The following TENM1 variants were observed in gnomAD, a reference collection of about 807,000 sequenced individuals.
The protein encoded by TENM1 is teneurin-1.
A neutral mutation model predicts 174.8 loss-of-function variants in TENM1; 35 were observed. The observed-to-expected ratio is 0.20, with a 90% CI of 0.15 to 0.27. The LOEUF (loss-of-function observed/expected upper bound fraction) is 0.27, where lower values mean the gene tolerates loss of function less well. Ranked by LOEUF, TENM1 falls within the 10% of genes least tolerant of loss-of-function variation. TENM1 has a pLI of 1.00. For missense variants in TENM1, 1,633 were observed against 2,130.1 expected (o/e 0.77, Z 4.59); for synonymous variants, 781 against 798.7 (o/e 0.98, Z 0.37).
At chrX:124,851,335 T>A (rs1211692551) in intron 3 of TENM1, among the ~76,000 whole-genome samples, 1 of 111,825 alleles carries the variant, frequency 8.9e-6, no homozygotes, top group Non-Finnish European at 1.9e-5. Flanking sequence ...TTGAATGATA[T>A]AGGATAATAC....
the TENM1 span, among the ~76,000 whole-genome samples, chrX:124,970,980 T>G: frequency 9.1e-6 from 1 of 109,307 alleles, no homozygotes; most frequent in African/African-American, 3.3e-5. Context: ...GTTCATGTCC[T>G]TTGTAGGGAC....
At chrX:124,700,678 A>G (rs1354133360) in intron 5 of TENM1, among the ~76,000 whole-genome samples, 1 of 111,193 alleles carries the variant, frequency 9.0e-6, no homozygotes, top group African/African-American at 3.3e-5. Context: ...TTTAATGGGG[A>G]AAAAACTCCA....
chrX:124,974,903 A>T, the TENM1 span, among the ~76,000 whole-genome samples: 89 of 66,074 alleles, frequency 1.3e-3, 3 homozygotes, highest in African/African-American at 4.5e-3. Context: ...TATATATATA[A>T]AATAATTTTG....
intron 3 of TENM1, among the ~76,000 whole-genome samples, chrX:124,873,175 A>G (rs908142095): frequency 9.0e-6 from 1 of 110,788 alleles, no homozygotes; most frequent in African/African-American, 3.3e-5. Flanking sequence ...AATTATGTTA[A>G]ATTAAAAAAT....
chrX:124,461,087 A>G (rs2061167738), intron 22 of TENM1, among the ~76,000 whole-genome samples: 1 of 112,334 alleles, frequency 8.9e-6, no homozygotes, highest in East Asian at 2.8e-4. Context: ...CACAGAGCTG[A>G]TGAGTTTCAA....
chrX:124,622,255 A>G (rs769470658), intron 11 of TENM1, among the ~76,000 whole-genome samples: 1 of 112,036 alleles, frequency 8.9e-6, no homozygotes, highest in East Asian at 2.8e-4. Flanking sequence ...TAGGTCGAAT[A>G]TCAGCAATTT....
At chrX:125,058,824 A>G in the TENM1 span, among the ~76,000 whole-genome samples, 1 of 110,940 alleles carries the variant, frequency 9.0e-6, no homozygotes, top group Non-Finnish European at 1.9e-5. Flanking sequence ...AAACTCTTCA[A>G]TTGCTTTGAA....
chrX:125,046,029 T>C, the TENM1 span, among the ~76,000 whole-genome samples: 6 of 108,777 alleles, frequency 5.5e-5, no homozygotes, highest in Non-Finnish European at 9.5e-5. Flanking sequence ...AAAAGCAAAA[T>C]ATTGAAAGAG....
chrX:125,187,546 C>G, the TENM1 span, among the ~76,000 whole-genome samples: 8 of 111,647 alleles, frequency 7.2e-5, no homozygotes, highest in African/African-American at 2.6e-4. Flanking sequence ...TGATGGATTA[C>G]TAAGCAGCCA....
At chrX:124,720,590 C>T (rs374642501) in intron 4 of TENM1, among the ~76,000 whole-genome samples, 1 of 112,166 alleles carries the variant, frequency 8.9e-6, no homozygotes, top group Non-Finnish European at 1.9e-5. Context: ...GCTGTGTCAC[C>T]AGCGCATCCT....
At chrX:124,593,762 A>G (rs764024302) in intron 11 of TENM1, among the ~76,000 whole-genome samples, 2 of 112,083 alleles carry the variant, frequency 1.8e-5, no homozygotes, top group African/African-American at 6.5e-5. Context: ...GCAGGTTGCC[A>G]AGCTGGCCCT....
In TENM1 at chrX:124,798,521, C is replaced by T. The variant is rs181448395; in HGVS notation, c.536-61324G>A. ...GAAGTGTCTGTTCATATCCTTCACC[C>T]TCTTTTTGATGGGGTTGTTTTTTTT... On this transcript the variant is annotated intron_variant, in intron 3 of 31. Transcript: ENST00000422452. 1.8e-3 allele frequency among the ~76,000 whole-genome samples: 205 copies of T among 111,816 alleles called. 4 individuals carry two copies. The East Asian group carries it at 0.054, about 30-fold the overall frequency.
At chrX:124,616,606 G>A (rs1236722013) in intron 11 of TENM1, among the ~76,000 whole-genome samples, 5 of 112,449 alleles carry the variant, frequency 4.4e-5, no homozygotes, top group Non-Finnish European at 9.4e-5. Context: ...ACAAGTGTAT[G>A]TGTGCTTGTT....
the TENM1 span, among the ~76,000 whole-genome samples, chrX:125,169,103 G>A: frequency 9.0e-6 from 1 of 110,537 alleles, no homozygotes; most frequent in African/African-American, 3.3e-5. Flanking sequence ...CTAGTGCCCA[G>A]CCATGTATAC....
At chrX:124,398,014 G>A (rs371866602) in intron 27 of TENM1, among the ~76,000 whole-genome samples, 254 of 109,519 alleles carry the variant, frequency 2.3e-3, no homozygotes, top group African/African-American at 8.0e-3. Flanking sequence ...GGATCACAAG[G>A]TCAGGAGATA....
chrX:124,752,549 A>G (rs996918793), intron 3 of TENM1, among the ~76,000 whole-genome samples: 22 of 111,861 alleles, frequency 2.0e-4, no homozygotes, highest in African/African-American at 6.2e-4. Context: ...TTGGTGTTTT[A>G]GACATGAAGT....
At chrX:125,073,386 T>C in the TENM1 span, among the ~76,000 whole-genome samples, 1 of 111,513 alleles carries the variant, frequency 9.0e-6, no homozygotes, top group Admixed American at 9.6e-5. Context: ...TCATAAAATG[T>C]ATCTCAAAAA....
chrX:125,201,016 T>C, the TENM1 span, among the ~76,000 whole-genome samples: 21 of 112,272 alleles, frequency 1.9e-4, no homozygotes, highest in African/African-American at 6.8e-4. Flanking sequence ...TTCTTACTAC[T>C]TCCAAGTTTT....
At chrX:124,968,307 T>C (rs2147833805), upstream of TENM1, among the ~76,000 whole-genome samples, 1 of 112,320 alleles carries the variant, frequency 8.9e-6, no homozygotes, top group African/African-American at 3.2e-5. Context: ...TATGAATCTC[T>C]ACTAATCTTA....
Sources: allele counts gnomAD v4.1 joint callset (sites outside exome capture counted in the v4.1 genomes callset), GRCh38; gene constraint gnomAD v4.1.1; transcripts MANE v1.5; gene names NCBI Gene and HGNC (gene_info 2026-07-23, HGNC 2026-07-21).